Variants in BICRAL observed in about 807,000 individuals in gnomAD.
BICRAL encodes the protein BRD4-interacting chromatin-remodeling complex-associated protein-like.
BICRAL carries 8 observed loss-of-function variants against 91.8 expected under a neutral mutation model. The observed-to-expected ratio is 0.09, with a 90% CI of 0.05 to 0.16. The LOEUF (loss-of-function observed/expected upper bound fraction) is 0.16, where lower values mean the gene tolerates loss of function less well. Among genes scored for constraint, BICRAL ranks in the 10% least tolerant of loss-of-function variants. The pLI, the probability that BICRAL is intolerant of heterozygous loss-of-function variation, is 1.00. For synonymous variants in BICRAL, 445 were observed against 491.1 expected (o/e 0.91, Z 1.24); for missense variants, 1,038 against 1,310.9 (o/e 0.79, Z 3.21).
chr6:42,819,010 C>T (rs1421230513), intron 2 of BICRAL, among the ~76,000 whole-genome samples: 1 of 152,184 alleles, frequency 6.6e-6, no homozygotes, highest in African/African-American at 2.4e-5. Context: ...CTGTCTAGTG[C>T]TATTTACAGA....
chr6:42,832,775 A>G (rs150598629), intron 6 of BICRAL, among the ~76,000 whole-genome samples: 1 of 152,184 alleles, frequency 6.6e-6, no homozygotes, highest in East Asian at 1.9e-4. Context: ...TTCAGAGTAA[A>G]TTACAGACCT....
chr6:42,764,894 T>C (rs12211148), intron 1 of BICRAL, among the ~76,000 whole-genome samples: 39,798 of 152,052 alleles, frequency 0.26, 5,622 homozygotes, highest in African/African-American at 0.36. Flanking sequence ...CTCCTGACCT[T>C]GTGATCCACC....
chr6:42,812,842 C>G (rs914827564), intron 2 of BICRAL, among the ~76,000 whole-genome samples: 3 of 152,134 alleles, frequency 2.0e-5, no homozygotes, highest in African/African-American at 7.2e-5. Flanking sequence ...GACCAGCCTC[C>G]TGGACAACAT....
chr6:42,778,587 T>C (rs1762835102), upstream of BICRAL, among the ~76,000 whole-genome samples: 1 of 152,154 alleles, frequency 6.6e-6, no homozygotes, highest in Non-Finnish European at 1.5e-5. Flanking sequence ...TCTTTATGAG[T>C]ATATAAATTC....
chr6:42,847,854 G>A (rs1765062948), intron 6 of BICRAL, among the ~76,000 whole-genome samples: 1 of 152,032 alleles, frequency 6.6e-6, no homozygotes, highest in South Asian at 2.1e-4. Context: ...TCTTTTCTGG[G>A]CGCGGTGGCT....
chr6:42,803,283 G>GA (rs1763625566), intron 1 of BICRAL, among the ~76,000 whole-genome samples: 1 of 152,166 alleles, frequency 6.6e-6, no homozygotes, highest in Non-Finnish European at 1.5e-5. Context: ...TTATTCTGTG[G>GA]ATCTTTAAAA....
At chr6:42,774,749 T>C (rs1050538951) in intron 1 of BICRAL, among the ~76,000 whole-genome samples, 1 of 152,124 alleles carries the variant, frequency 6.6e-6, no homozygotes, top group Non-Finnish European at 1.5e-5. Context: ...TTAATCAGGC[T>C]CTAAAAAGTG....
At chr6:42,756,898 C>T (rs9471912) in intron 1 of BICRAL, among the ~76,000 whole-genome samples, 123,556 of 125,632 alleles carry the variant, frequency 0.98, 60,761 homozygotes, top group East Asian at 1. Flanking sequence ...CTCTCTCTCT[C>T]TCTCTCTCTC....
intron 10 of BICRAL, among the ~76,000 whole-genome samples, chr6:42,859,307 A>G (rs1157973545): frequency 6.6e-6 from 1 of 151,656 alleles, no homozygotes; most frequent in African/African-American, 2.4e-5. Context: ...CAGGAGACTC[A>G]CTTGAACCCG....
intron 12 of BICRAL, 142 bp from the exon 13 acceptor site, chr6:42,864,517 T>C (rs1765650217): frequency 1.5e-6 from 1 of 675,762 alleles, no homozygotes; most frequent in Middle Eastern, 2.8e-4. Flanking sequence ...AGGGTCCTGC[T>C]TCTGCATGTT....
Position 42,828,521 on chromosome 6 carries a change from G to T in BICRAL, c.188G>T (p.Gly63Val). 2.5e-6 allele frequency: 4 copies of T among 1,613,434 alleles called. No individual in the cohort carries two copies. Among genetic ancestry groups the T allele is most frequent in the Non-Finnish European group, 3.4e-6 (4 of 1,179,524 alleles). The stretch of plus-strand genomic sequence containing the variant: ...GCTGATCCTAAGTCATCCCTCAAAG[G>T]TGTAAGCAACCAGCTTGGAGAAGGG... ...SNADPKSSLKGVSNQLGEGPS... is the reference protein window; with the variant it reads ...SNADPKSSLKVVSNQLGEGPS... The change falls in exon 6 of 13, where the codon GGT becomes GTT. Residue 63 changes from glycine to valine, a missense_variant. Physicochemically the swap from Gly to Val is moderately radical, Grantham distance 109 (BLOSUM62 -3). This residue lies in a region of BICRAL where 115 missense variants were observed against 121.5 expected (regional missense o/e 0.95). Transcript: ENST00000314073.
At chr6:42,830,249 T>A in intron 6 of BICRAL, 77 bp downstream of exon 6, 1 of 1,453,774 alleles carries the variant, frequency 6.9e-7, no homozygotes, top group Non-Finnish European at 9.3e-7. Flanking sequence ...AGAATATAAT[T>A]TTCATCCTAG....
At chr6:42,794,160 A>AT (rs1763355114) in intron 1 of BICRAL, among the ~76,000 whole-genome samples, 1 of 151,944 alleles carries the variant, frequency 6.6e-6, no homozygotes, top group African/African-American at 2.4e-5. Flanking sequence ...GATTACAGGC[A>AT]TGAGCCACCG....
At chr6:42,782,607 G>A (rs1176044669) in intron 1 of BICRAL, among the ~76,000 whole-genome samples, 2 of 151,588 alleles carry the variant, frequency 1.3e-5, no homozygotes, top group African/African-American at 2.4e-5. Context: ...GCGGGGAGAG[G>A]GAGAGCCCGG....
intron 1 of BICRAL, among the ~76,000 whole-genome samples, chr6:42,752,005 C>T (rs2113818761): frequency 6.6e-6 from 1 of 152,258 alleles, no homozygotes; most frequent in South Asian, 2.1e-4. Flanking sequence ...ATCACCTATT[C>T]ATCTTTCAGC....
At chr6:42,747,385 G>C (rs933576656) in intron 1 of BICRAL, among the ~76,000 whole-genome samples, 1 of 152,146 alleles carries the variant, frequency 6.6e-6, no homozygotes, top group Non-Finnish European at 1.5e-5. Flanking sequence ...CGTTTAAATT[G>C]GGGTATTTAA....
rs1764607195 is a variant in BICRAL, at chr6:42,835,276, G to A, written c.1839+5104G>A. Among the ~76,000 whole-genome samples the A allele has an allele frequency of 2.0e-5, 3 of 152,126 alleles. No homozygotes were observed. The South Asian group carries it at 6.2e-4, about 32-fold the overall frequency. Reference sequence around the variant, plus strand: ...CCCAAGTAGCTGGGATTACAGGCGTGCGCCACCACAACTGGCTAATTTTTA... The same window carrying A: ...CCCAAGTAGCTGGGATTACAGGCGTACGCCACCACAACTGGCTAATTTTTA... On this transcript the variant is annotated intron_variant, in intron 6 of 12. Coordinates refer to ENST00000314073, the MANE Select transcript of BICRAL (RefSeq NM_001393499.1).
At chr6:42,768,733 G>A (rs965366891) in intron 1 of BICRAL, among the ~76,000 whole-genome samples, 42 of 152,066 alleles carry the variant, frequency 2.8e-4, no homozygotes, top group East Asian at 1.9e-4. Context: ...TTCTGAGGCC[G>A]TGCACTTACA....
intron 5 of BICRAL, among the ~76,000 whole-genome samples, chr6:42,824,383 T>C (rs1157793755): frequency 6.6e-6 from 1 of 152,174 alleles, no homozygotes; most frequent in East Asian, 1.9e-4. Flanking sequence ...CTTGCTCTGT[T>C]GCCCAGGCTG....
Sources: gnomAD v4.1 joint callset for allele counts (sites outside exome capture counted in the v4.1 genomes callset) on GRCh38, gnomAD v4.1.1 for gene constraint, gnomAD v4.1.1 regional missense constraint, MANE v1.5 for transcripts, NCBI Gene and HGNC (gene_info 2026-07-23, HGNC 2026-07-21) for gene names.